Variants in RAD51B observed in about 807,000 individuals in gnomAD.
RAD51B encodes DNA repair protein RAD51 homolog 2.
In RAD51B, 38 loss-of-function variants were observed where a neutral mutation model predicts 42.2. The observed-to-expected ratio is 0.90, with a 90% confidence interval of 0.70 to 1.18. The LOEUF is 1.18. Among genes scored for constraint, RAD51B ranks in the 50% most tolerant of loss-of-function variants. The pLI is 0.00. For missense variants in RAD51B, 373 were observed against 400.7 expected (o/e 0.93, Z 0.59); for synonymous variants, 154 against 145.2 (o/e 1.06, Z -0.43).
intron 9 of RAD51B, among the ~76,000 whole-genome samples, chr14:68,460,122 G>A (rs2085805684): frequency 6.6e-6 from 1 of 152,118 alleles, no homozygotes; most frequent in Admixed American, 6.6e-5. Flanking sequence ...TGTATTGCAG[G>A]AACTCATGTA....
In RAD51B at chr14:68,294,993, A is replaced by G. The variant is rs897921027; in HGVS notation, c.853+3013A>G. Among the ~76,000 whole-genome samples, 12 of 152,332 alleles carry G rather than the reference A, an allele frequency of 7.9e-5. No homozygotes were observed. The East Asian group carries it at 1.7e-3, about 22-fold the overall frequency. ...GGGATGGGGTGACTGGTCAATTTGC[A>G]TAAGTTCCAAAAGTTCCATTCTCCC... On this transcript the variant is annotated intron_variant, in intron 8 of 10. Coordinates refer to ENST00000471583, the MANE Select transcript of RAD51B (RefSeq NM_133510.4).
chr14:68,545,410 A>C (rs993847089), intron 10 of RAD51B, among the ~76,000 whole-genome samples: 1 of 152,252 alleles, frequency 6.6e-6, no homozygotes, highest in Admixed American at 6.5e-5. Context: ...CCCTTGCTTC[A>C]GGCTCTTCAC....
downstream of RAD51B, among the ~76,000 whole-genome samples, chr14:68,597,365 G>A (rs749131202): frequency 6.6e-6 from 1 of 152,172 alleles, no homozygotes. Context: ...AGTAGGGAAG[G>A]AAGGACCAGC....
intron 9 of RAD51B, among the ~76,000 whole-genome samples, chr14:68,452,164 A>G (rs745481855): frequency 6.6e-6 from 1 of 152,160 alleles, no homozygotes; most frequent in Admixed American, 6.5e-5. Flanking sequence ...ACAGCTGGAC[A>G]GAGCTCTTGT....
intron 8 of RAD51B, among the ~76,000 whole-genome samples, chr14:68,296,613 C>A (rs1386823399): frequency 6.6e-6 from 1 of 152,176 alleles, no homozygotes; most frequent in Non-Finnish European, 1.5e-5. Context: ...CAGATGAGTG[C>A]CCACCTACAG....
At chr14:67,990,813 C>T (rs148276514) in intron 7 of RAD51B, among the ~76,000 whole-genome samples, 237 of 152,116 alleles carry the variant, frequency 1.6e-3, no homozygotes, top group Admixed American at 3.2e-3. Flanking sequence ...TAGGTGACAG[C>T]GTGAAAAGCA....
intron 10 of RAD51B, among the ~76,000 whole-genome samples, chr14:68,511,275 T>C (rs148278527): frequency 7.2e-5 from 11 of 152,284 alleles, no homozygotes; most frequent in African/African-American, 2.6e-4. Context: ...GACAGAGCGC[T>C]TCTCTGAGGC....
Position 68,314,301 on chromosome 14 carries a change from C to T in RAD51B, c.853+22321C>T, listed in dbSNP as rs116417760. Among the ~76,000 whole-genome samples the T allele has an allele frequency of 2.7e-3, 416 of 152,216 alleles. 2 individuals are homozygous for T. The highest frequency in any genetic ancestry group is 9.6e-3 in the African/African-American group (397 of 41,526). The stretch of plus-strand genomic sequence containing the variant: ...TCCCCCTACCCCTCTGACCCCTGCA[C>T]TCATTCTGATCCCTCTTCCTGCCCG... On this transcript the variant is annotated intron_variant, in intron 8 of 10. Transcript: ENST00000471583.
intron 4 of RAD51B, among the ~76,000 whole-genome samples, chr14:67,849,835 C>T (rs1382496211): frequency 6.6e-6 from 1 of 152,048 alleles, no homozygotes; most frequent in Non-Finnish European, 1.5e-5. Context: ...TGAGTTTCTT[C>T]CAATCCATGC....
At chr14:68,187,545 C>T (rs1180164103) in intron 7 of RAD51B, among the ~76,000 whole-genome samples, 1 of 152,112 alleles carries the variant, frequency 6.6e-6, no homozygotes, top group East Asian at 1.9e-4. Flanking sequence ...TTACATTTAT[C>T]CTTCATATGC....
chr14:68,061,925 G>A (rs1386947453), intron 7 of RAD51B, among the ~76,000 whole-genome samples: 2 of 152,018 alleles, frequency 1.3e-5, no homozygotes, highest in Non-Finnish European at 2.9e-5. Context: ...TAGGACTTCC[G>A]GTACTAAATT....
chr14:67,965,578 G>T (rs1033126508), intron 7 of RAD51B, among the ~76,000 whole-genome samples: 2 of 151,964 alleles, frequency 1.3e-5, no homozygotes, highest in African/African-American at 4.8e-5. Flanking sequence ...TCATGCCAGG[G>T]TTTCAGAGTC....
Position 68,007,529 on chromosome 14 carries a change from TA to T in RAD51B, c.756+120335del, listed in dbSNP as rs918287850. Among the ~76,000 whole-genome samples, 1,208 of 150,622 alleles carry T rather than the reference TA, an allele frequency of 8.0e-3. 17 individuals are homozygous for T. The highest frequency in any genetic ancestry group is 0.027 in the African/African-American group (1,120 of 41,140). ...AACGCTTTTTATTTTCCTTACAAAT[TA>T]AAAAAAAAATTATACCTGCTATTCT... On this transcript the variant is annotated intron_variant, in intron 7 of 10. Coordinates refer to ENST00000471583, the MANE Select transcript of RAD51B (RefSeq NM_133510.4).
At chr14:67,832,739 A>G (rs2041096887) in intron 3 of RAD51B, among the ~76,000 whole-genome samples, 1 of 152,176 alleles carries the variant, frequency 6.6e-6, no homozygotes, top group Non-Finnish European at 1.5e-5. Context: ...AGCAATATCT[A>G]AGAGGAGCTG....
chr14:68,432,426 TG>T (rs1282217276), intron 9 of RAD51B, among the ~76,000 whole-genome samples: 1 of 152,226 alleles, frequency 6.6e-6, no homozygotes, highest in Non-Finnish European at 1.5e-5. Context: ...TTTATGAATC[TG>T]GGTGCTCCTG....
chr14:68,072,262 A>G lies in RAD51B; in HGVS notation c.756+185058A>G, dbSNP rs575701243. Among the ~76,000 whole-genome samples, 5 of 147,248 alleles carry G rather than the reference A, an allele frequency of 3.4e-5. No homozygotes were observed. In the South Asian group the frequency reaches 1.1e-3, roughly 31 times the overall value. On this transcript the variant is annotated intron_variant, in intron 7 of 10. Coordinates refer to ENST00000471583, the MANE Select transcript of RAD51B (RefSeq NM_133510.4). ...ATATATATAATGCTTAATAAACTGT[A>G]TATATAGGAGTTTATTAAGCATTAT...
chr14:68,196,797 T>C (rs1432964322), intron 7 of RAD51B, among the ~76,000 whole-genome samples: 1 of 152,206 alleles, frequency 6.6e-6, no homozygotes, highest in Admixed American at 6.5e-5. Flanking sequence ...TCAGCAAATA[T>C]TCTTGGTATG....
At chr14:68,352,769 G>C (rs2082816488) in intron 8 of RAD51B, among the ~76,000 whole-genome samples, 1 of 152,218 alleles carries the variant, frequency 6.6e-6, no homozygotes, top group African/African-American at 2.4e-5. Flanking sequence ...ACACTTACCA[G>C]TATAAATTCC....
chr14:68,399,860 G>A (rs2084045547), intron 8 of RAD51B, among the ~76,000 whole-genome samples: 1 of 152,084 alleles, frequency 6.6e-6, no homozygotes, highest in African/African-American at 2.4e-5. Context: ...GTACTCTATG[G>A]CAGTTTTTTC....
Sources: gnomAD v4.1 joint callset for allele counts (sites outside exome capture counted in the v4.1 genomes callset) on GRCh38, gnomAD v4.1.1 for gene constraint, MANE v1.5 for transcripts, NCBI Gene and HGNC (gene_info 2026-07-23, HGNC 2026-07-21) for gene names.